Variants in TRAF3 observed in about 807,000 individuals in gnomAD.
TRAF3 encodes the protein TNF receptor-associated factor 3.
A neutral mutation model predicts 62.3 loss-of-function variants in TRAF3; 13 were observed. That is an observed-to-expected ratio of 0.21 (90% CI 0.14 to 0.33). TRAF3 has a LOEUF of 0.33. TRAF3 is among the 10% of genes least tolerant of loss of function. The probability of loss-of-function intolerance (pLI) is 1.00; values close to 1 mark genes in which losing one functional copy is unlikely to be tolerated. For missense variants in TRAF3, 440 were observed against 741.8 expected (o/e 0.59, Z 4.73); for synonymous variants, 269 against 283.4 (o/e 0.95, Z 0.51).
chr14:102,805,003 C>G (rs1898683633), intron 1 of TRAF3, among the ~76,000 whole-genome samples: 1 of 152,166 alleles, frequency 6.6e-6, no homozygotes. Context: ...TTGACCTTCC[C>G]TGGACGTAGA....
At chr14:102,847,350 T>G (rs981676557) in intron 2 of TRAF3, among the ~76,000 whole-genome samples, 2 of 152,264 alleles carry the variant, frequency 1.3e-5, no homozygotes, top group East Asian at 3.9e-4. Context: ...AATTCTTGTA[T>G]TTTTGGTAGA....
intron 2 of TRAF3, among the ~76,000 whole-genome samples, chr14:102,841,370 C>T (rs1886364731): frequency 6.6e-6 from 1 of 152,192 alleles, no homozygotes; most frequent in African/African-American, 2.4e-5. Flanking sequence ...AAGGAGAAGG[C>T]CAAGCACTTC....
At chr14:102,875,753 C>G (rs200163897) in intron 5 of TRAF3, 25 bp downstream of exon 5, 89 of 1,592,174 alleles carry the variant, frequency 5.6e-5, no homozygotes, top group Admixed American at 3.7e-4. Context: ...GACACTGGAA[C>G]CTTTTACATG....
At chr14:102,845,971 A>G (rs1466821082) in intron 2 of TRAF3, among the ~76,000 whole-genome samples, 5 of 104,232 alleles carry the variant, frequency 4.8e-5, no homozygotes, top group African/African-American at 2.0e-4. Flanking sequence ...ACAGAGGTCG[A>G]CCGTGTCTCA....
At chr14:102,779,269 CTTTTTTTTT>C (rs61309052) in intron 1 of TRAF3, among the ~76,000 whole-genome samples, 128 of 123,430 alleles carry the variant, frequency 1.0e-3, no homozygotes, top group African/African-American at 2.8e-3. Flanking sequence ...AGAATTCCAG[CTTTTTTTTT>C]TTTTTTTTTT....
chr14:102,803,665 C>T (rs1272886024), intron 1 of TRAF3, among the ~76,000 whole-genome samples: 1 of 151,912 alleles, frequency 6.6e-6, no homozygotes, highest in Non-Finnish European at 1.5e-5. Context: ...CCTGCTTCAG[C>T]CTCCTGAGTA....
chr14:102,832,384 C>G (rs1401669118), intron 2 of TRAF3, among the ~76,000 whole-genome samples: 2 of 152,158 alleles, frequency 1.3e-5, no homozygotes, highest in African/African-American at 4.8e-5. Flanking sequence ...TAATATTTAT[C>G]AAGCACTGGC....
At chr14:102,892,162 A>C (rs530468386) in intron 9 of TRAF3, among the ~76,000 whole-genome samples, 1 of 150,846 alleles carries the variant, frequency 6.6e-6, no homozygotes, top group Non-Finnish European at 1.5e-5. Flanking sequence ...GGTTCAAGCA[A>C]TTCTCCTGCC....
chr14:102,883,200 A>G (rs1255158197), intron 6 of TRAF3, among the ~76,000 whole-genome samples: 3 of 152,222 alleles, frequency 2.0e-5, no homozygotes, highest in African/African-American at 7.2e-5. Context: ...GCAGGTGGAA[A>G]TTATATTACA....
intron 2 of TRAF3, among the ~76,000 whole-genome samples, chr14:102,854,807 T>G (rs1404847873): frequency 6.6e-6 from 1 of 151,770 alleles, no homozygotes; most frequent in African/African-American, 2.4e-5. Flanking sequence ...GGCTGTTTTT[T>G]TTTTTTTTTT....
intron 1 of TRAF3, among the ~76,000 whole-genome samples, chr14:102,804,921 T>C (rs147771289): frequency 1.2e-3 from 181 of 152,296 alleles, no homozygotes; most frequent in African/African-American, 3.7e-3. Context: ...CCAAAATTGA[T>C]CCTCCAGGAC....
chr14:102,816,229 A>C (rs1000250112), intron 1 of TRAF3, among the ~76,000 whole-genome samples: 1 of 152,016 alleles, frequency 6.6e-6, no homozygotes, highest in South Asian at 2.1e-4. Context: ...CAGCCCCCCA[A>C]GTAGCTGGGA....
At chr14:102,897,771 TGCAGTGAGGTGCTGTGCA>T (rs1890077288) in intron 10 of TRAF3, among the ~76,000 whole-genome samples, 2 of 152,256 alleles carry the variant, frequency 1.3e-5, no homozygotes, top group Non-Finnish European at 2.9e-5. Context: ...TCTCACTTCC[TGCAGTGAGGTGCTGTGCA>T]GCCCAGCTAC....
chr14:102,870,573 C>T, intron 3 of TRAF3, 127 bp downstream of exon 3: 5 of 1,312,008 alleles, frequency 3.8e-6, no homozygotes, highest in Non-Finnish European at 4.2e-6. Context: ...ATAAAAGCCT[C>T]CGGGCCCAGC....
Position 102,870,466 on chromosome 14 carries a change from C to G in TRAF3, c.245+20C>G, listed in dbSNP as rs568408745. ...GCTGAGGTAGGCGCCCTCGCCCGGC[C>G]CGTCGCCCGGCCCCTTCTCAGCCCT... On this transcript the variant is annotated intron_variant, in intron 3 of 11. Coordinates refer to ENST00000392745, the MANE Select transcript of TRAF3 (RefSeq NM_145725.3). The G allele has an allele frequency of 1.1e-5, 18 of 1,609,638 alleles. No homozygotes were observed. In the East Asian group the frequency reaches 3.6e-4, roughly 32 times the overall value.
In TRAF3 at chr14:102,903,830, C is replaced by G. The variant is rs2140004158; in HGVS notation, c.1135+401C>G. The G allele has an allele frequency of 2.1e-6, 1 of 465,572 alleles. No homozygotes were observed. The highest frequency in any genetic ancestry group is 1.5e-5 in the South Asian group (1 of 64,548). The allele number at this position is 465,572 out of a possible 1,614,324, so 28.8% of individuals were successfully genotyped here. A position where few individuals can be genotyped will look rare whatever the true frequency, so the allele number is the denominator to read the frequency against. ...GCCAGGGGGCAGCAGTCCCACCGCG[C>G]TCTGCCAGCATGTTTCTGATCCACA... On this transcript the variant is annotated intron_variant, in intron 11 of 11. Transcript: ENST00000392745. The surrounding 1 kb of genome is among the most constrained non-coding windows in gnomAD (Gnocchi z 6.4).
intron 6 of TRAF3, 143 bp from the exon 7 acceptor site, chr14:102,886,046 C>T (rs1889363762): frequency 5.8e-6 from 4 of 693,644 alleles, no homozygotes; most frequent in Non-Finnish European, 1.0e-5. Context: ...AATAATGACT[C>T]AGCCATACGT....
Position 102,905,222 on chromosome 14 carries a change from A to C in TRAF3, c.1145A>C (p.Glu382Ala). 6.2e-7 allele frequency: 1 copy of C among 1,613,490 alleles called. No individual in the cohort carries two copies. Among genetic ancestry groups the C allele is most frequent in the East Asian group, 2.2e-5 (1 of 44,882 alleles). ...TCCTCACCTGTGGCAGGCCTGCTGG[A>C]GTCCCAGCTGAGCCGGCATGACCAG... ...GQVARNTGLL[E>A]SQLSRHDQML... Residue 382 changes from glutamate (E) to alanine (A), a missense_variant, in exon 12 of 12, where the codon GAG (glutamate) becomes GCG (alanine). Coordinates refer to ENST00000392745, the MANE Select transcript of TRAF3 (RefSeq NM_145725.3).
chr14:102,803,772 T>C (rs1458120821), intron 1 of TRAF3, among the ~76,000 whole-genome samples: 2 of 152,166 alleles, frequency 1.3e-5, no homozygotes, highest in Non-Finnish European at 2.9e-5. Context: ...GCTTACAGAA[T>C]TCTGTACGGT....
Sources: allele counts gnomAD v4.1 joint callset (sites outside exome capture counted in the v4.1 genomes callset), GRCh38; gene constraint gnomAD v4.1.1; non-coding constraint Gnocchi (gnomAD v3.1); transcripts MANE v1.5; gene names NCBI Gene and HGNC (gene_info 2026-07-23, HGNC 2026-07-21).